LPCAT3: variants seen among roughly 807,000 people sequenced by gnomAD.
LPCAT3 encodes lysophosphatidylcholine acyltransferase 3.
A neutral mutation model predicts 63.4 loss-of-function variants in LPCAT3; 21 were observed. That is an observed-to-expected ratio of 0.33 (90% confidence interval 0.23 to 0.48). The LOEUF (loss-of-function observed/expected upper bound fraction) is 0.48. Among genes scored for constraint, LPCAT3 ranks in the 20% least tolerant of loss-of-function variants. LPCAT3 has a pLI of 0.99. For synonymous variants in LPCAT3, 242 were observed against 227.5 expected, an observed-to-expected ratio of 1.06 and a Z score of -0.58; for missense variants, 451 against 590.6, an observed-to-expected ratio of 0.76 and a Z score of 2.45.
chr12:6,984,650 G>A lies in LPCAT3; in HGVS notation c.152-1111C>T, dbSNP rs368866620. Among the ~76,000 whole-genome samples, 22 of 152,288 alleles carry A rather than the reference G, an allele frequency of 1.4e-4. No individual in the cohort carries two copies. In the South Asian group the frequency reaches 4.1e-3, roughly 29 times the overall value. On this transcript the variant is annotated intron_variant, in intron 1 of 12. Coordinates refer to ENST00000261407, the MANE Select transcript of LPCAT3 (RefSeq NM_005768.6). ...CACCCAGGCTGGAGTGCAGTGGCAC[G>A]ATCATCGCTCACTGCAGCCTTGACC...
rs142916561 is a variant in LPCAT3 at position 7,017,499 on chromosome 12, A to G, written c.151+775T>C. 2.5e-3 allele frequency among the ~76,000 whole-genome samples: 377 copies of G among 152,294 alleles called. 2 individuals carry two copies. The highest frequency in any genetic ancestry group is 8.1e-3 in the African/African-American group (337 of 41,554). On this transcript the variant is annotated intron_variant, in intron 1 of 12. Coordinates refer to ENST00000261407, the MANE Select transcript of LPCAT3 (RefSeq NM_005768.6). The surrounding 1 kb of genome is among the most constrained non-coding windows in gnomAD (Gnocchi z 4.1). ...TTTTCCATTGTACTATGCTACCTCC[A>G]TGTATTAAACCATGGAGTGAGGATG... is the stretch of plus-strand genomic sequence containing the variant.
At chr12:7,003,085 T>G (rs782045899) in intron 1 of LPCAT3, among the ~76,000 whole-genome samples, 1 of 152,216 alleles carries the variant, frequency 6.6e-6, no homozygotes, top group Non-Finnish European at 1.5e-5. Flanking sequence ...TAGCATTTTT[T>G]TTCCTTCAGA....
intron 1 of LPCAT3, among the ~76,000 whole-genome samples, chr12:7,005,401 A>T (rs1186740432): frequency 6.6e-6 from 1 of 152,242 alleles, no homozygotes; most frequent in Non-Finnish European, 1.5e-5. Flanking sequence ...AGCTATGAAC[A>T]TTTGTGTACA....
chr12:6,986,842 C>G (rs376262651), intron 1 of LPCAT3, among the ~76,000 whole-genome samples: 1 of 148,618 alleles, frequency 6.7e-6, no homozygotes, highest in South Asian at 2.1e-4. Flanking sequence ...CGGCCGGGTG[C>G]GGCAGCTCAC....
chr12:6,977,161 T>C lies in LPCAT3; in HGVS notation c.1449A>G (p.Leu483=), dbSNP rs952698173. Residue 483 remains leucine (L), a synonymous_variant, in exon 12 of 13, where the codon TTA becomes TTG. Coordinates refer to ENST00000261407, the MANE Select transcript of LPCAT3 (RefSeq NM_005768.6). The surrounding 1 kb of genome is among the most constrained non-coding windows in gnomAD (Gnocchi z 4.5). The stretch of plus-strand genomic sequence containing the variant: ...GGGAAATGGATTATTCCATCTTCTT[T>C]AACTTCTCTTTCCTTGGCACCATTG... The part of the protein sequence containing the change: ...HKAMVPRKEK[L]KKME 6.2e-7 allele frequency: 1 copy of C among 1,608,060 alleles called. No individual in the cohort carries two copies. Among genetic ancestry groups the C allele is most frequent in the Non-Finnish European group, 8.5e-7 (1 of 1,174,456 alleles).
At chr12:6,978,561 T>C (rs376920899) in intron 8 of LPCAT3, 42 bp downstream of exon 8, 16 of 1,613,434 alleles carry the variant, frequency 9.9e-6, no homozygotes, top group East Asian at 8.9e-5. Flanking sequence ...CTGGCCCCCA[T>C]GGCTTGTCTA....
chr12:6,991,952 G>A (rs1946593706), intron 1 of LPCAT3, among the ~76,000 whole-genome samples: 1 of 152,066 alleles, frequency 6.6e-6, no homozygotes, highest in Non-Finnish European at 1.5e-5. Context: ...AGCACTCTGG[G>A]AGGCCAAGAC....
chr12:6,978,513 AG>A lies in LPCAT3; in HGVS notation c.874-7del. On this transcript the variant is annotated splice_polypyrimidine_tract_variant and splice_region_variant and intron_variant, in intron 8 of 12. Coordinates refer to ENST00000261407, the MANE Select transcript of LPCAT3 (RefSeq NM_005768.6). ...GTCAAAATGCATACTCCTTCCTGAGAGGGAATAGCTCAGTTAGGGCTCTTGC... is the reference window on the plus strand; with the variant it reads ...GTCAAAATGCATACTCCTTCCTGAGAGGAATAGCTCAGTTAGGGCTCTTGC... 6.2e-7 allele frequency: 1 copy of A among 1,612,196 alleles called. No individual in the cohort carries two copies. The highest frequency in any genetic ancestry group is 8.5e-7 in the Non-Finnish European group (1 of 1,178,512).
chr12:7,010,098 C>T (rs868949763), intron 1 of LPCAT3, among the ~76,000 whole-genome samples: 7 of 152,214 alleles, frequency 4.6e-5, no homozygotes, highest in African/African-American at 1.7e-4. Flanking sequence ...AGACAATGCA[C>T]ATGTTACTAC....
rs1946535433 is a variant in LPCAT3, at chr12:6,987,057, G to A, written c.152-3518C>T. Among the ~76,000 whole-genome samples the A allele has an allele frequency of 6.6e-6, 1 of 151,752 alleles. No homozygotes were observed. Among genetic ancestry groups the A allele is most frequent in the African/African-American group, 2.4e-5 (1 of 41,206 alleles). ...GAACCCAGGAGGCGGAGGTGGCAGTGAGCTGAGATCACGCCATTGCACTCC... is the reference window on the plus strand; with the variant it reads ...GAACCCAGGAGGCGGAGGTGGCAGTAAGCTGAGATCACGCCATTGCACTCC... On this transcript the variant is annotated intron_variant, in intron 1 of 12. Coordinates refer to ENST00000261407, the MANE Select transcript of LPCAT3 (RefSeq NM_005768.6). This position sits in a 1 kb window ranked among gnomAD's most constrained non-coding sequence, Gnocchi z 4.1.
At chr12:6,983,033 G>A in intron 2 of LPCAT3, 1 of 581,488 alleles carries the variant, frequency 1.7e-6, no homozygotes, top group South Asian at 1.6e-5. Flanking sequence ...CCAGACTTGA[G>A]TGCAGTAGCT....
intron 9 of LPCAT3, 151 bp downstream of exon 9, chr12:6,978,190 T>TA (rs776284760): frequency 1.3e-6 from 1 of 769,430 alleles, no homozygotes; most frequent in Non-Finnish European, 2.0e-6. Context: ...GGGAGGGGGG[T>TA]ATAGGTGGGG....
At chr12:7,010,463 C>T (rs1319980318) in intron 1 of LPCAT3, among the ~76,000 whole-genome samples, 1 of 152,208 alleles carries the variant, frequency 6.6e-6, no homozygotes, top group Non-Finnish European at 1.5e-5. Flanking sequence ...GTTGCCCAGG[C>T]TGGTGCAGTG....
intron 1 of LPCAT3, among the ~76,000 whole-genome samples, chr12:6,998,009 C>T (rs1555156239): frequency 6.6e-6 from 1 of 151,928 alleles, no homozygotes; most frequent in Non-Finnish European, 1.5e-5. Flanking sequence ...CATAAGCCAC[C>T]ATCCCTAGTC....
chr12:6,997,988 AAAG>A (rs1254863590), intron 1 of LPCAT3, among the ~76,000 whole-genome samples: 1 of 152,082 alleles, frequency 6.6e-6, no homozygotes, highest in Non-Finnish European at 1.5e-5. Context: ...TCAGCCTCCT[AAAG>A]TGCTGGGCAT....
At chr12:7,013,151 C>G (rs776720019) in intron 1 of LPCAT3, among the ~76,000 whole-genome samples, 57 of 152,162 alleles carry the variant, frequency 3.7e-4, no homozygotes, top group Non-Finnish European at 6.0e-4. Flanking sequence ...GGAAAGAACT[C>G]AGAGGAAGAT....
chr12:6,982,181 T>G (rs1009152311), intron 3 of LPCAT3, among the ~76,000 whole-genome samples: 4 of 152,108 alleles, frequency 2.6e-5, no homozygotes, highest in African/African-American at 9.7e-5. Flanking sequence ...TGTTTCACCA[T>G]GTTGCCCAGG....
Position 7,017,979 on chromosome 12 carries a change from A to G in LPCAT3, c.151+295T>C, listed in dbSNP as rs1211907386. On this transcript the variant is annotated intron_variant, in intron 1 of 12. Transcript: ENST00000261407. This position sits in a 1 kb window ranked among gnomAD's most constrained non-coding sequence, Gnocchi z 4.1. ...ACTCAACAGAGCGACAAATAAAGAC[A>G]GGTCGTGGGAGCAAGGGTAGAGCCT... Among the ~76,000 whole-genome samples the G allele has an allele frequency of 1.3e-4, 20 of 152,204 alleles. No individual in the cohort carries two copies. The highest frequency in any genetic ancestry group is 1.2e-3 in the Admixed American group (19 of 15,288).
chr12:6,984,154 T>G (rs1402909283), intron 1 of LPCAT3, among the ~76,000 whole-genome samples: 5 of 152,236 alleles, frequency 3.3e-5, no homozygotes, highest in African/African-American at 1.2e-4. Context: ...ACAAGTTATG[T>G]GGAGATACTC....
Sources: allele counts gnomAD v4.1 joint callset (sites outside exome capture counted in the v4.1 genomes callset), GRCh38; gene constraint gnomAD v4.1.1; non-coding constraint Gnocchi (gnomAD v3.1); transcripts MANE v1.5; gene names NCBI Gene and HGNC (gene_info 2026-07-23, HGNC 2026-07-21).